The following UBE2G1 variants were observed in gnomAD, a reference collection of about 807,000 sequenced individuals.
UBE2G1 encodes the protein ubiquitin conjugating enzyme E2 G1, also known as ubiquitin-conjugating enzyme E2 G1.
In UBE2G1, 5 loss-of-function variants were observed where a neutral mutation model predicts 22.7. The observed-to-expected ratio is 0.22, with a 90% CI of 0.12 to 0.46. The LOEUF is 0.46. UBE2G1 is among the 20% of genes least tolerant of loss of function. The pLI is 0.99. For synonymous variants in UBE2G1, 74 were observed against 67.5 expected (o/e 1.10, Z -0.47); for missense variants, 88 against 203.9 (o/e 0.43, Z 3.46).
intron 1 of UBE2G1, among the ~76,000 whole-genome samples, chr17:4,356,481 G>A (rs538462765): frequency 2.0e-5 from 3 of 152,284 alleles, no homozygotes; most frequent in South Asian, 4.1e-4. Context: ...TCAATACAAC[G>A]GCATATAAGG....
chr17:4,294,761 C>A (rs1393204418), intron 3 of UBE2G1, among the ~76,000 whole-genome samples: 1 of 151,836 alleles, frequency 6.6e-6, no homozygotes, highest in East Asian at 1.9e-4. Context: ...CAAAAAAAAA[C>A]AAAAATTAGC....
chr17:4,278,529 G>A (rs147182796), intron 5 of UBE2G1, among the ~76,000 whole-genome samples: 9 of 152,296 alleles, frequency 5.9e-5, no homozygotes, highest in African/African-American at 1.7e-4. Flanking sequence ...CATGTGGCCC[G>A]CAGGCTGCAG....
intron 1 of UBE2G1, among the ~76,000 whole-genome samples, chr17:4,312,595 C>T (rs1158256775): frequency 6.8e-6 from 1 of 147,216 alleles, no homozygotes. Flanking sequence ...ACTCGGGAGG[C>T]TGAGGCAGGA....
intron 1 of UBE2G1, among the ~76,000 whole-genome samples, chr17:4,311,651 G>A (rs1969311131): frequency 6.6e-6 from 1 of 152,186 alleles, no homozygotes; most frequent in Admixed American, 6.5e-5. Context: ...AATTACTTAA[G>A]GGGTATAGGG....
At chr17:4,359,889 T>TA (rs1969948551) in intron 1 of UBE2G1, among the ~76,000 whole-genome samples, 1 of 151,576 alleles carries the variant, frequency 6.6e-6, no homozygotes, top group African/African-American at 2.4e-5. Flanking sequence ...AAACTGCTGA[T>TA]TAACTCAAAT....
chr17:4,365,407 A>T (rs1970020896), intron 1 of UBE2G1, among the ~76,000 whole-genome samples: 1 of 152,210 alleles, frequency 6.6e-6, no homozygotes, highest in Non-Finnish European at 1.5e-5. Context: ...CTAAAAAGTC[A>T]ACCTGGAAGC....
intron 1 of UBE2G1, among the ~76,000 whole-genome samples, chr17:4,365,491 C>A (rs1269502388): frequency 6.6e-6 from 1 of 152,168 alleles, no homozygotes; most frequent in Non-Finnish European, 1.5e-5. Flanking sequence ...CCGGCCGCCG[C>A]CCCGGGCCAG....
chr17:4,353,765 C>T (rs1453683673), intron 1 of UBE2G1, among the ~76,000 whole-genome samples: 2 of 151,726 alleles, frequency 1.3e-5, no homozygotes, highest in Non-Finnish European at 2.9e-5. Flanking sequence ...CTGCCTCGGC[C>T]TCCCAAAGTG....
chr17:4,281,515 G>GT (rs1455514156), intron 5 of UBE2G1, among the ~76,000 whole-genome samples: 1 of 152,124 alleles, frequency 6.6e-6, no homozygotes, highest in Admixed American at 6.6e-5. Flanking sequence ...TTCAGACAGT[G>GT]TATTTCGGTT....
At chr17:4,360,530 G>A (rs1969954723) in intron 1 of UBE2G1, among the ~76,000 whole-genome samples, 1 of 152,164 alleles carries the variant, frequency 6.6e-6, no homozygotes, top group Admixed American at 6.6e-5. Flanking sequence ...TTCCACCCTA[G>A]ATCCACTCTA....
chr17:4,342,199 C>T (rs974788845), intron 1 of UBE2G1, among the ~76,000 whole-genome samples: 13 of 152,112 alleles, frequency 8.5e-5, no homozygotes, highest in Admixed American at 7.2e-4. Context: ...AAAACCAAGC[C>T]CCTGATTATC....
chr17:4,293,529 G>A (rs1353575571), intron 3 of UBE2G1, among the ~76,000 whole-genome samples: 1 of 152,102 alleles, frequency 6.6e-6, no homozygotes, highest in Non-Finnish European at 1.5e-5. Flanking sequence ...AGTTTTCTTG[G>A]TTAGGTTCCT....
At chr17:4,333,455 C>G (rs1969606227) in intron 1 of UBE2G1, among the ~76,000 whole-genome samples, 1 of 152,066 alleles carries the variant, frequency 6.6e-6, no homozygotes. Context: ...GCAGGCAGAT[C>G]ACCTGAGGTC....
intron 1 of UBE2G1, among the ~76,000 whole-genome samples, chr17:4,360,339 C>T (rs1477414981): frequency 6.6e-6 from 1 of 152,106 alleles, no homozygotes; most frequent in Non-Finnish European, 1.5e-5. Context: ...ACTTTACTTG[C>T]TTAAAGCAAA....
chr17:4,289,454 T>G, intron 3 of UBE2G1, 46 bp from the exon 4 acceptor site: 2 of 1,463,218 alleles, frequency 1.4e-6, no homozygotes, highest in South Asian at 3.0e-5. Context: ...ACTAATTTGG[T>G]TATACATGAA....
rs1434905342 is a variant in UBE2G1, at chr17:4,307,080, T to C, written c.90A>G (p.Ile30Met). 1 of 1,614,132 alleles carries C rather than the reference T, an allele frequency of 6.2e-7. No individual in the cohort carries two copies. Among genetic ancestry groups the C allele is most frequent in the Non-Finnish European group, 8.5e-7 (1 of 1,179,978 alleles). Reference protein sequence around the residue: ...NPVEGFSAGLIDDNDLYRWEV... With the variant: ...NPVEGFSAGLMDDNDLYRWEV... ...CCCATCGGTAGAGATCATTGTCATC[T>C]ATTAAACCTGCAGAAAAGCCTTCCA... The change falls in exon 2 of 6, where the codon ATA becomes ATG. Residue 30 changes from isoleucine (I) to methionine (M), a missense_variant. By Grantham distance (10) the Ile-to-Met change is conservative. This residue lies in a region of UBE2G1 where 50 missense variants were observed against 71.0 expected (regional missense o/e 0.70). Transcript: ENST00000396981.
At position 4,357,205 on chromosome 17, in the gene UBE2G1, TC is replaced by T. The variant is rs1398725043; in HGVS notation, c.46+9065del. Among the ~76,000 whole-genome samples the T allele has an allele frequency of 2.0e-5, 3 of 152,272 alleles. No individual in the cohort carries two copies. In the East Asian group the frequency reaches 5.8e-4, roughly 29 times the overall value. On this transcript the variant is annotated intron_variant, in intron 1 of 5. Transcript: ENST00000396981. ...AGTAGCATGATGAAATCTCACACTGTCCCTCCTGCCTATCACTTAGCAGTGC... is the reference window on the plus strand; with the variant it reads ...AGTAGCATGATGAAATCTCACACTGTCCTCCTGCCTATCACTTAGCAGTGC...
chr17:4,285,355 T>C (rs1247201982), intron 4 of UBE2G1, among the ~76,000 whole-genome samples: 6 of 152,084 alleles, frequency 3.9e-5, no homozygotes, highest in Admixed American at 3.3e-4. Context: ...AGTACCAATT[T>C]TCACATCAGC....
intron 3 of UBE2G1, among the ~76,000 whole-genome samples, chr17:4,292,055 C>A (rs1969048064): frequency 6.6e-6 from 1 of 151,960 alleles, no homozygotes; most frequent in Non-Finnish European, 1.5e-5. Context: ...GTGGCTCGGC[C>A]CACTGTAATG....
Sources: gnomAD v4.1 joint callset for allele counts (sites outside exome capture counted in the v4.1 genomes callset) on GRCh38, gnomAD v4.1.1 for gene constraint, gnomAD v4.1.1 regional missense constraint, MANE v1.5 for transcripts, NCBI Gene and HGNC (gene_info 2026-07-23, HGNC 2026-07-21) for gene names.